HHAT: variants seen among roughly 807,000 people sequenced by gnomAD.
HHAT encodes protein-cysteine N-palmitoyltransferase HHAT.
HHAT carries 47 observed loss-of-function variants against 70.8 expected under a neutral mutation model. That is an observed-to-expected ratio of 0.66 (90% CI 0.53 to 0.85). The LOEUF is 0.85. HHAT is among the 40% of genes least tolerant of loss of function. The pLI is 0.00. For missense variants in HHAT, 609 were observed against 604.8 expected (o/e 1.01, Z -0.07); for synonymous variants, 228 against 247.6 (o/e 0.92, Z 0.74).
intron 9 of HHAT, among the ~76,000 whole-genome samples, chr1:210,570,476 G>A (rs1049600008): frequency 1.6e-4 from 25 of 152,174 alleles, no homozygotes; most frequent in Admixed American, 1.6e-3. Flanking sequence ...TGGAGGGTGT[G>A]AGAGATGCTG....
intron 9 of HHAT, among the ~76,000 whole-genome samples, chr1:210,556,689 A>G (rs2095576026): frequency 6.6e-6 from 1 of 152,166 alleles, no homozygotes; most frequent in African/African-American, 2.4e-5. Flanking sequence ...GATGTTGTTG[A>G]TTAGCTCTTT....
chr1:210,628,333 A>G (rs1670225047), intron 11 of HHAT, among the ~76,000 whole-genome samples: 1 of 120,544 alleles, frequency 8.3e-6, no homozygotes, highest in African/African-American at 3.1e-5. Flanking sequence ...AAAAAAAAGA[A>G]AAAAAAGGAA....
Position 210,563,955 on chromosome 1 carries a change from G to T in HHAT, c.1044-23943G>T, listed in dbSNP as rs185080314. Among the ~76,000 whole-genome samples, 3 of 152,084 alleles carry T rather than the reference G, an allele frequency of 2.0e-5. No individual in the cohort carries two copies. The East Asian group carries it at 5.8e-4, about 29-fold the overall frequency. ...AACTCATACTACATTGTTTTTGTTT[G>T]TTTGTTTGTTTGTTTTGAGATGGAG... is the stretch of plus-strand genomic sequence containing the variant. On this transcript the variant is annotated intron_variant, in intron 9 of 11. Coordinates refer to ENST00000261458, the MANE Select transcript of HHAT (RefSeq NM_018194.6).
rs1681008567 is a variant in HHAT at position 210,675,947 on chromosome 1, T to C, written c.*1568T>C. The C allele has an allele frequency of 1.3e-5, 2 of 152,174 alleles. No homozygotes were observed. Among genetic ancestry groups the C allele is most frequent in the Admixed American group, 6.5e-5 (1 of 15,282 alleles). The allele number at this position is 152,174 out of a possible 1,614,324, so 9.4% of individuals were successfully genotyped here. A position where few individuals can be genotyped will look rare whatever the true frequency, so the allele number is the denominator to read the frequency against. On this transcript the variant is annotated 3_prime_UTR_variant, in exon 12 of 12. Coordinates refer to ENST00000261458, the MANE Select transcript of HHAT (RefSeq NM_018194.6). ...TGAGCCTCAGGGAGGAGTGAGCACCTAAATGAACGCAGTAAACCTTCATGG... is the reference window on the plus strand; with the variant it reads ...TGAGCCTCAGGGAGGAGTGAGCACCCAAATGAACGCAGTAAACCTTCATGG...
At chr1:210,415,125 C>T (rs1489681444) in intron 6 of HHAT, among the ~76,000 whole-genome samples, 3 of 152,202 alleles carry the variant, frequency 2.0e-5, no homozygotes, top group Non-Finnish European at 2.9e-5. Flanking sequence ...TTATTTTATG[C>T]ACATTGAATA....
At chr1:210,343,567 C>T (rs893728550) in intron 1 of HHAT, among the ~76,000 whole-genome samples, 8 of 152,132 alleles carry the variant, frequency 5.3e-5, no homozygotes, top group Non-Finnish European at 1.0e-4. Flanking sequence ...AGGTGGCATT[C>T]GTGTAATGGA....
rs374281797 is a variant in HHAT at position 210,349,079 on chromosome 1, G to A, written c.91+13G>A. On this transcript the variant is annotated intron_variant, in intron 2 of 11. Transcript: ENST00000261458. ...AAAGTCTCCAGAGGTAAGGCCCCAA[G>A]CTTTTCAGACCTCCTATCAAACAAG... The A allele has an allele frequency of 4.3e-6, 7 of 1,611,842 alleles. No individual in the cohort carries two copies. The highest frequency in any genetic ancestry group is 5.9e-6 in the Non-Finnish European group (7 of 1,179,442).
chr1:210,672,034 C>T (rs576175655), intron 11 of HHAT, among the ~76,000 whole-genome samples: 17 of 152,242 alleles, frequency 1.1e-4, no homozygotes, highest in African/African-American at 3.6e-4. Flanking sequence ...TTTTTTAGTT[C>T]CCATGCTATG....
At chr1:210,615,272 T>G (rs944415006) in intron 10 of HHAT, among the ~76,000 whole-genome samples, 1 of 152,260 alleles carries the variant, frequency 6.6e-6, no homozygotes, top group African/African-American at 2.4e-5. Flanking sequence ...TTTTTTCTTG[T>G]AAATTTGTTT....
At chr1:210,362,412 A>C (rs1178548673) in intron 2 of HHAT, among the ~76,000 whole-genome samples, 1 of 152,088 alleles carries the variant, frequency 6.6e-6, no homozygotes, top group Non-Finnish European at 1.5e-5. Flanking sequence ...TTTTTAGTAG[A>C]GATGGGGTTT....
intron 11 of HHAT, among the ~76,000 whole-genome samples, chr1:210,640,652 A>AC (rs1478257416): frequency 1.3e-5 from 2 of 151,036 alleles, no homozygotes; most frequent in African/African-American, 4.9e-5. Context: ...CGTGCGTGTA[A>AC]CCCCCGCACT....
rs115336088 is a variant in HHAT, at chr1:210,562,123, T to C, written c.1044-25775T>C. Among the ~76,000 whole-genome samples, 645 of 152,248 alleles carry C rather than the reference T, an allele frequency of 4.2e-3. 4 individuals carry two copies. Among genetic ancestry groups the C allele is most frequent in the African/African-American group, 0.015 (619 of 41,550 alleles). On this transcript the variant is annotated intron_variant, in intron 9 of 11. Coordinates refer to ENST00000261458, the MANE Select transcript of HHAT (RefSeq NM_018194.6). Reference sequence around the variant, plus strand: ...ATTATGAGATTACAACTTATAGATATCATTCAATAAACCAGCTCAGTTTTA... The same window carrying C: ...ATTATGAGATTACAACTTATAGATACCATTCAATAAACCAGCTCAGTTTTA...
intron 10 of HHAT, among the ~76,000 whole-genome samples, chr1:210,602,897 A>G (rs1664596939): frequency 1.3e-5 from 2 of 152,172 alleles, no homozygotes; most frequent in South Asian, 2.1e-4. Context: ...GGAAGCCTGA[A>G]TCTTAACCTC....
intron 9 of HHAT, among the ~76,000 whole-genome samples, chr1:210,558,286 G>C (rs2095590995): frequency 6.6e-6 from 1 of 152,190 alleles, no homozygotes; most frequent in Admixed American, 6.5e-5. Flanking sequence ...GTTCCAGAAG[G>C]AATCAGGATA....
chr1:210,613,078 T>C (rs1391372484), intron 10 of HHAT, among the ~76,000 whole-genome samples: 1 of 151,822 alleles, frequency 6.6e-6, no homozygotes, highest in Non-Finnish European at 1.5e-5. Context: ...TTTTACTCTG[T>C]TAATAGTATC....
intron 9 of HHAT, among the ~76,000 whole-genome samples, chr1:210,553,234 C>G (rs1448796077): frequency 2.6e-5 from 4 of 152,168 alleles, no homozygotes; most frequent in Non-Finnish European, 4.4e-5. Flanking sequence ...ACAGCCAAGT[C>G]CTGTGATAGT....
intron 8 of HHAT, among the ~76,000 whole-genome samples, chr1:210,499,882 T>A (rs1284084706): frequency 6.6e-6 from 1 of 152,128 alleles, no homozygotes; most frequent in Non-Finnish European, 1.5e-5. Flanking sequence ...CTCCAATATA[T>A]CATGAGCATG....
intron 6 of HHAT, among the ~76,000 whole-genome samples, chr1:210,417,718 G>A (rs776040693): frequency 6.6e-6 from 1 of 152,102 alleles, no homozygotes; most frequent in Non-Finnish European, 1.5e-5. Flanking sequence ...TACCAGTCCT[G>A]TGTCTCTTGT....
intron 3 of HHAT, chr1:210,374,240 T>C (rs867474847): frequency 6.7e-5 from 10 of 148,766 alleles, no homozygotes; most frequent in Non-Finnish European, 1.3e-4. Context: ...AGGCGAAAGA[T>C]TTATTCGATC....
Sources: allele counts gnomAD v4.1 joint callset (sites outside exome capture counted in the v4.1 genomes callset), GRCh38; gene constraint gnomAD v4.1.1; transcripts MANE v1.5; gene names NCBI Gene and HGNC (gene_info 2026-07-23, HGNC 2026-07-21).